Variants in TTC21B observed in about 807,000 individuals in gnomAD.
TTC21B encodes the protein tetratricopeptide repeat protein 21B.
A neutral mutation model predicts 175.1 loss-of-function variants in TTC21B; 127 were observed. The observed-to-expected ratio is 0.73, with a 90% CI of 0.63 to 0.84. The LOEUF (loss-of-function observed/expected upper bound fraction) is 0.84, where lower values mean the gene tolerates loss of function less well. Ranked by LOEUF, TTC21B falls within the 40% of genes least tolerant of loss-of-function variation. The probability of loss-of-function intolerance (pLI) is 0.00; values close to 1 mark genes in which losing one functional copy is unlikely to be tolerated. For synonymous variants in TTC21B, 524 were observed against 524.5 expected (o/e 1.00, Z 0.01); for missense variants, 1,561 against 1,558.3 (o/e 1.00, Z -0.03).
chr2:165,883,624 T>C (rs570813908), intron 26 of TTC21B, among the ~76,000 whole-genome samples, 170 bp downstream of exon 26: 21 of 152,244 alleles, frequency 1.4e-4, no homozygotes, highest in African/African-American at 5.1e-4. Context: ...AAAGGACAAA[T>C]GGCTTTTTTC....
At chr2:165,894,523 T>A (rs1359056779) in intron 22 of TTC21B, among the ~76,000 whole-genome samples, 1 of 152,156 alleles carries the variant, frequency 6.6e-6, no homozygotes, top group Non-Finnish European at 1.5e-5. Flanking sequence ...CAACACAAGA[T>A]TAAAAACTCT....
chr2:165,877,366 T>C (rs970419037), intron 27 of TTC21B, among the ~76,000 whole-genome samples: 2 of 152,238 alleles, frequency 1.3e-5, no homozygotes, highest in Non-Finnish European at 2.9e-5. Context: ...ATTTTATATA[T>C]AGTCAGGCAC....
At position 165,917,842 on chromosome 2, in the gene TTC21B, T is replaced by C. The variant is rs1335544368; in HGVS notation, c.1675-361A>G. On this transcript the variant is annotated intron_variant, in intron 13 of 28. Transcript: ENST00000243344. ...CACTTCTACAACTGATATGAAGTTA[T>C]TAGATTTCTAGAAACACTGTTTCTC... Among the ~76,000 whole-genome samples, 4 of 152,218 alleles carry C rather than the reference T, an allele frequency of 2.6e-5. No homozygotes were observed. The East Asian group carries it at 5.8e-4, about 22-fold the overall frequency.
intron 6 of TTC21B, among the ~76,000 whole-genome samples, chr2:165,934,237 GCTT>G (rs1687023611): frequency 6.6e-6 from 1 of 151,742 alleles, no homozygotes; most frequent in South Asian, 2.1e-4. Flanking sequence ...ATCTTCTATG[GCTT>G]CTTTTTTATT....
At chr2:165,914,655 ATCTGTG>A (rs962356806) in intron 15 of TTC21B, among the ~76,000 whole-genome samples, 18 of 75,682 alleles carry the variant, frequency 2.4e-4, no homozygotes, top group East Asian at 5.9e-4. Flanking sequence ...AGGAAGAGCA[ATCTGTG>A]TGTGTGTGTG....
At chr2:165,890,070 T>C (rs1333249371) in intron 24 of TTC21B, among the ~76,000 whole-genome samples, 2 of 152,172 alleles carry the variant, frequency 1.3e-5, no homozygotes, top group African/African-American at 4.8e-5. Context: ...AATACTGTTA[T>C]AGAAAACAAA....
chr2:165,889,273 C>T (rs948291308), intron 24 of TTC21B, among the ~76,000 whole-genome samples: 5 of 152,170 alleles, frequency 3.3e-5, no homozygotes, highest in African/African-American at 1.2e-4. Flanking sequence ...GTTCTTCTCC[C>T]TTGGCTTCTG....
intron 5 of TTC21B, 103 bp from the exon 6 acceptor site, chr2:165,941,287 T>C: frequency 7.8e-7 from 1 of 1,279,542 alleles, no homozygotes. Flanking sequence ...CTTACTTTTC[T>C]GTGAGGAGCA....
intron 1 of TTC21B, among the ~76,000 whole-genome samples, chr2:165,953,179 C>T (rs1220276904): frequency 6.6e-6 from 1 of 152,108 alleles, no homozygotes; most frequent in African/African-American, 2.4e-5. Flanking sequence ...TTAAGTTGAC[C>T]GTCATTAATA....
rs537188790 is a variant in TTC21B at position 165,938,225 on chromosome 2, A to G, written c.710+2802T>C. Among the ~76,000 whole-genome samples the G allele has an allele frequency of 3.2e-4, 48 of 152,220 alleles. 1 individual carries two copies. The highest frequency in any genetic ancestry group is 6.8e-3 in the Middle Eastern group (2 of 294). ...GGCATTTTTTTTTTTAAACCTGGAA[A>G]TAACGGAAAAGACTTCAGCATCTTA... is the stretch of plus-strand genomic sequence containing the variant. On this transcript the variant is annotated intron_variant, in intron 6 of 28. Transcript: ENST00000243344.
At chr2:165,904,683 A>G (rs1446082415) in intron 19 of TTC21B, among the ~76,000 whole-genome samples, 2 of 152,240 alleles carry the variant, frequency 1.3e-5, no homozygotes, top group African/African-American at 4.8e-5. Context: ...TCTCTGTGGG[A>G]AAATAAGCAC....
At position 165,925,804 on chromosome 2, in the gene TTC21B, T is replaced by C. The variant is rs766310453; in HGVS notation, c.1387-1126A>G. Among the ~76,000 whole-genome samples, 7 of 152,316 alleles carry C rather than the reference T, an allele frequency of 4.6e-5. No individual in the cohort carries two copies. In the South Asian group the frequency reaches 1.0e-3, roughly 23 times the overall value. On this transcript the variant is annotated intron_variant, in intron 11 of 28. Coordinates refer to ENST00000243344, the MANE Select transcript of TTC21B (RefSeq NM_024753.5). ...ATGTGTCTTGAAGATAAGATTTTTATGCTTCTTTGCACGGTAATAGATACA... is the reference window on the plus strand; with the variant it reads ...ATGTGTCTTGAAGATAAGATTTTTACGCTTCTTTGCACGGTAATAGATACA...
intron 13 of TTC21B, among the ~76,000 whole-genome samples, chr2:165,917,988 T>A (rs1023833284): frequency 6.6e-6 from 1 of 152,078 alleles, no homozygotes; most frequent in Non-Finnish European, 1.5e-5. Context: ...ACGTTGGCTA[T>A]CAACAGTATA....
chr2:165,939,635 T>A (rs931312075), intron 6 of TTC21B, among the ~76,000 whole-genome samples: 4 of 152,152 alleles, frequency 2.6e-5, no homozygotes, highest in Non-Finnish European at 5.9e-5. Context: ...TCCAAAATAC[T>A]AGCTATAGCC....
intron 24 of TTC21B, 71 bp downstream of exon 24, chr2:165,890,408 T>C: frequency 2.1e-6 from 3 of 1,455,144 alleles, no homozygotes; most frequent in Non-Finnish European, 2.9e-6. Context: ...TTTAGTTCTT[T>C]TGTATAGTAT....
intron 18 of TTC21B, among the ~76,000 whole-genome samples, chr2:165,908,895 T>G (rs1481624982): frequency 6.6e-6 from 1 of 152,128 alleles, no homozygotes; most frequent in Non-Finnish European, 1.5e-5. Flanking sequence ...GCATATATTT[T>G]TATGGAACTA....
intron 1 of TTC21B, 108 bp downstream of exon 1, chr2:165,953,577 A>G: frequency 6.6e-7 from 1 of 1,511,704 alleles, no homozygotes; most frequent in Non-Finnish European, 8.9e-7. Context: ...GCAGGGAAAC[A>G]GCGGCCTAGC....
chr2:165,901,776 T>C lies in TTC21B; in HGVS notation c.2703A>G (p.Glu901=). 1 of 1,614,170 alleles carries C rather than the reference T, an allele frequency of 6.2e-7. No individual in the cohort carries two copies. Residue 901 remains glutamate (E), a synonymous_variant, in exon 20 of 29, where the codon GAA becomes GAG. Transcript: ENST00000243344. ...AKHSVAQRDY[E]KAIKFYREAL... ...CCTCTCTATAAAACTTAATTGCTTT[T>C]TCATAGTCTCGCTGAGCAACAGAAT...
chr2:165,913,828 T>C (rs1686046772), intron 15 of TTC21B, among the ~76,000 whole-genome samples, 182 bp from the exon 16 acceptor site: 1 of 152,228 alleles, frequency 6.6e-6, no homozygotes, highest in African/African-American at 2.4e-5. Context: ...TTGTTTATGC[T>C]AGATCAGCTA....
Sources: allele counts gnomAD v4.1 joint callset (sites outside exome capture counted in the v4.1 genomes callset), GRCh38; gene constraint gnomAD v4.1.1; transcripts MANE v1.5; gene names NCBI Gene and HGNC (gene_info 2026-07-23, HGNC 2026-07-21).